The following ZNF486 variants were observed in gnomAD, a reference collection of about 807,000 sequenced individuals.
ZNF486 encodes the protein KRAB box only protein 2.
In ZNF486, 12 loss-of-function variants were observed where a neutral mutation model predicts 12.8. The observed-to-expected ratio is 0.94, with a 90% CI of 0.60 to 1.52. ZNF486 has a LOEUF of 1.52. Ranked by LOEUF, ZNF486 falls within the 40% of genes most tolerant of loss-of-function variation. The pLI is 0.00. For synonymous variants in ZNF486, 231 were observed against 184.9 expected, an observed-to-expected ratio of 1.25 and a Z score of -2.02; for missense variants, 738 against 545.0, an observed-to-expected ratio of 1.35 and a Z score of -3.53.
At chr19:20,169,882 TTGTA>T (rs1367619834) in intron 1 of ZNF486, among the ~76,000 whole-genome samples, 195 of 147,266 alleles carry the variant, frequency 1.3e-3, no homozygotes, top group African/African-American at 3.9e-3. Flanking sequence ...TAAGATGGGG[TTGTA>T]TGTTTTTTTT....
At chr19:20,192,657 A>T (rs1036927645) in intron 3 of ZNF486, among the ~76,000 whole-genome samples, 1 of 152,196 alleles carries the variant, frequency 6.6e-6, no homozygotes, top group Non-Finnish European at 1.5e-5. Context: ...GCTGATTTGC[A>T]TGATTCACTG....
In ZNF486 at chr19:20,185,981, A is replaced by G; in HGVS notation, c.158-6A>G. ...AGATTAATGCTATTTATTTTTAATG[A>G]AACAGGTATTATTGTCTCTAAGCCA... On this transcript the variant is annotated splice_polypyrimidine_tract_variant and splice_region_variant and intron_variant, in intron 2 of 3. Coordinates refer to ENST00000335117, the MANE Select transcript of ZNF486 (RefSeq NM_052852.4). 1 of 1,526,370 alleles carries G rather than the reference A, an allele frequency of 6.6e-7. No individual in the cohort carries two copies. The highest frequency in any genetic ancestry group is 2.1e-5 in the Admixed American group (1 of 48,180). The allele number at this position is 1,526,370 out of a possible 1,614,324, so 94.6% of individuals were successfully genotyped here.
intron 1 of ZNF486, among the ~76,000 whole-genome samples, chr19:20,181,412 G>T (rs975689792): frequency 6.6e-6 from 1 of 151,998 alleles, no homozygotes; most frequent in African/African-American, 2.4e-5. Flanking sequence ...GGTGGTGGGC[G>T]CCTGTAGTCC....
Position 20,200,402 on chromosome 19 carries a change from T to G in ZNF486, c.*2300T>G, listed in dbSNP as rs1319431222. ...CTTTTCTACATTATAGTGCAAGAAA[T>G]AATTATTGATAAAAGTATATTAAAC... On this transcript the variant is annotated 3_prime_UTR_variant, in exon 4 of 4. Transcript: ENST00000335117. 6.6e-6 allele frequency: 1 copy of G among 152,156 alleles called. No homozygotes were observed. Among genetic ancestry groups the G allele is most frequent in the Admixed American group, 6.6e-5 (1 of 15,254 alleles). The allele number at this position is 152,156 out of a possible 1,614,324, so 9.4% of individuals were successfully genotyped here. A position where few individuals can be genotyped will look rare whatever the true frequency, so the allele number is the denominator to read the frequency against.
intron 1 of ZNF486, among the ~76,000 whole-genome samples, chr19:20,182,140 G>A (rs2089794252): frequency 6.6e-6 from 1 of 152,192 alleles, no homozygotes; most frequent in Non-Finnish European, 1.5e-5. Flanking sequence ...TGTGAAAAGA[G>A]TGCTAAATGT....
At chr19:20,186,307 G>C (rs1555716435) in intron 3 of ZNF486, among the ~76,000 whole-genome samples, 1 of 152,132 alleles carries the variant, frequency 6.6e-6, no homozygotes, top group Admixed American at 6.5e-5. Context: ...CTTTCGGTGA[G>C]CTTCCTTCAA....
chr19:20,197,987 C>T lies in ZNF486; in HGVS notation c.1277C>T (p.Thr426Ile). The T allele has an allele frequency of 2.5e-6, 4 of 1,612,934 alleles. No homozygotes were observed. The highest frequency in any genetic ancestry group is 2.2e-5 in the East Asian group (1 of 44,806). Reference protein sequence around the residue: ...TTSSNLTEHKTTHTGEKPYKC... With the variant: ...TTSSNLTEHKITHTGEKPYKC... ...TCCTCAAATCTAACTGAACATAAGA[C>T]AACTCATACTGGAGAGAAACCTTAC... The change falls in exon 4 of 4, where the codon ACA (threonine) becomes ATA (isoleucine). Residue 426 changes from threonine (T) to isoleucine (I), a missense_variant. Physicochemically the swap from Thr to Ile is moderately conservative, Grantham distance 89 (BLOSUM62 -1). Transcript: ENST00000335117.
chr19:20,186,619 C>T (rs1160355739), intron 3 of ZNF486, among the ~76,000 whole-genome samples: 3 of 151,978 alleles, frequency 2.0e-5, no homozygotes, highest in Admixed American at 6.6e-5. Context: ...ATTGCTTTGG[C>T]TATCAAAGTT....
chr19:20,195,323 C>T (rs982842974), intron 3 of ZNF486, among the ~76,000 whole-genome samples: 4 of 152,162 alleles, frequency 2.6e-5, no homozygotes, highest in South Asian at 2.1e-4. Flanking sequence ...CACATGTCAC[C>T]ATGCCCAGCT....
chr19:20,170,051 C>T (rs939492017), intron 1 of ZNF486, among the ~76,000 whole-genome samples: 3 of 151,526 alleles, frequency 2.0e-5, no homozygotes, highest in African/African-American at 7.3e-5. Context: ...CCACCACGCC[C>T]GGCTAATTTT....
In ZNF486 at chr19:20,198,933, A is replaced by C. The variant is rs2089987993; in HGVS notation, c.*831A>C. 1 of 151,820 alleles carries C rather than the reference A, an allele frequency of 6.6e-6. No individual in the cohort carries two copies. The highest frequency in any genetic ancestry group is 1.5e-5 in the Non-Finnish European group (1 of 67,952). The allele number at this position is 151,820 out of a possible 1,614,324, so 9.4% of individuals were successfully genotyped here. A position where few individuals can be genotyped will look rare whatever the true frequency, so the allele number is the denominator to read the frequency against. The stretch of plus-strand genomic sequence containing the variant: ...CAACACCTCCAACTTTTCTATGCAT[A>C]AAAAAAATTATACTACACCATAGAA... On this transcript the variant is annotated 3_prime_UTR_variant, in exon 4 of 4. Coordinates refer to ENST00000335117, the MANE Select transcript of ZNF486 (RefSeq NM_052852.4).
At chr19:20,185,892 A>G (rs1245604448) in intron 2 of ZNF486, 95 bp from the exon 3 acceptor site, 7 of 651,550 alleles carry the variant, frequency 1.1e-5, no homozygotes, top group African/African-American at 1.9e-5. Flanking sequence ...TTAATTTACT[A>G]GAATATTTTA....
In ZNF486 at chr19:20,179,481, C is replaced by CT. The variant is rs1226131816; in HGVS notation, c.31-4867dup. On this transcript the variant is annotated intron_variant, in intron 1 of 3. Transcript: ENST00000335117. ...TCTACTTATATTCATGTTATGTCAC[C>CT]TTTTTTTTAAATGTAGACTTATTAT... Among the ~76,000 whole-genome samples the CT allele has an allele frequency of 4.6e-5, 7 of 151,884 alleles. No individual in the cohort carries two copies. The East Asian group carries it at 9.7e-4, about 21-fold the overall frequency.
At chr19:20,176,491 T>G (rs2089717724) in intron 1 of ZNF486, 1 of 212,218 alleles carries the variant, frequency 4.7e-6, no homozygotes, top group Non-Finnish European at 9.4e-6. Flanking sequence ...AGGTGGAGGT[T>G]GTAGCCAGCT....
At chr19:20,172,982 C>G (rs750562224) in intron 1 of ZNF486, among the ~76,000 whole-genome samples, 1 of 152,098 alleles carries the variant, frequency 6.6e-6, no homozygotes, top group Non-Finnish European at 1.5e-5. Context: ...TTGTCAGAGG[C>G]AAAGTTTGTA....
At chr19:20,190,947 T>A (rs2089896122) in intron 3 of ZNF486, among the ~76,000 whole-genome samples, 1 of 152,226 alleles carries the variant, frequency 6.6e-6, no homozygotes, top group Admixed American at 6.5e-5. Flanking sequence ...GTACATCCTC[T>A]TGGTAACCAA....
rs544936972 is a variant in ZNF486, at chr19:20,167,226, A to G, written c.-105A>G. 3 of 1,420,242 alleles carry G rather than the reference A, an allele frequency of 2.1e-6. No homozygotes were observed. In the African/African-American group the frequency reaches 4.2e-5, roughly 20 times the overall value. The allele number at this position is 1,420,242 out of a possible 1,614,324, so 88.0% of individuals were successfully genotyped here. On this transcript the variant is annotated 5_prime_UTR_variant, in exon 1 of 4. Coordinates refer to ENST00000335117, the MANE Select transcript of ZNF486 (RefSeq NM_052852.4). ...TGGCGCGGCCTTTGTCTCTCGCTGC[A>G]TCTGGAGCTCTAGGTCGCCTCTTCG...
In ZNF486 at chr19:20,184,900, T is replaced by C. The variant is rs190701399; in HGVS notation, c.157+418T>C. On this transcript the variant is annotated intron_variant, in intron 2 of 3. Coordinates refer to ENST00000335117, the MANE Select transcript of ZNF486 (RefSeq NM_052852.4). ...GCTGAGACGGGCAGATCACCTGAAG[T>C]TGGGAGTTTGAGACCAGCCTGACCA... 7.2e-5 allele frequency among the ~76,000 whole-genome samples: 11 copies of C among 152,136 alleles called. No individual in the cohort carries two copies. The East Asian group carries it at 2.1e-3, about 29-fold the overall frequency.
At chr19:20,175,350 T>TTTTTTTTTTTTTTTA (rs1296618035) in intron 1 of ZNF486, 3 of 142,170 alleles carry the variant, frequency 2.1e-5, no homozygotes, top group East Asian at 4.3e-4. Flanking sequence ...TTTTTTTTTT[T>TTTTTTTTTTTTTTTA]ATTGATCATT....
Sources: allele counts gnomAD v4.1 joint callset (sites outside exome capture counted in the v4.1 genomes callset), GRCh38; gene constraint gnomAD v4.1.1; transcripts MANE v1.5; gene names NCBI Gene and HGNC (gene_info 2026-07-23, HGNC 2026-07-21).